AHNAK2: variants seen among roughly 807,000 people sequenced by gnomAD.
AHNAK2 encodes the protein protein AHNAK2.
A neutral mutation model predicts 30.7 loss-of-function variants in AHNAK2; 18 were observed. The observed-to-expected ratio is 0.59, with a 90% CI of 0.41 to 0.87. The LOEUF (loss-of-function observed/expected upper bound fraction) is 0.87. Ranked by LOEUF, AHNAK2 falls within the 40% of genes least tolerant of loss-of-function variation. AHNAK2 has a pLI of 0.00. For synonymous variants in AHNAK2, 3,590 were observed against 3,073.8 expected (o/e 1.17, Z -5.56); for missense variants, 8,604 against 7,373.0 (o/e 1.17, Z -6.11).
chr14:104,958,149 C>T (rs1364921496), intron 1 of AHNAK2, among the ~76,000 whole-genome samples: 1 of 152,180 alleles, frequency 6.6e-6, no homozygotes, highest in African/African-American at 2.4e-5. Context: ...TTCAAAGAAA[C>T]TATTAAAAGT....
chr14:104,949,548 G>C lies in AHNAK2; in HGVS notation c.5903C>G (p.Ala1968Gly), dbSNP rs371185338. The part of the protein sequence containing the change: ...VQAQKAKLDG[A>G]RLEGDLSLAD... ...CAGGGACAGGTCTCCCTCCAGCCGC[G>C]CACCATCCAGCTTAGCCTTCTGGGC... The change falls in exon 7 of 7, where the codon GCG becomes GGG. Residue 1968 changes from alanine (A) to glycine (G), a missense_variant. Physicochemically the swap from Ala to Gly is moderately conservative, Grantham distance 60. Coordinates refer to ENST00000333244, the MANE Select transcript of AHNAK2 (RefSeq NM_138420.4). The C allele has an allele frequency of 5.7e-5, 91 of 1,586,292 alleles. 7 individuals carry two copies. Among genetic ancestry groups the C allele is most frequent in the Admixed American group, 4.7e-4 (27 of 57,348 alleles).
rs776999668 is a variant in AHNAK2 at position 104,952,057 on chromosome 14, CCACCTCCACGCTGGGCAGAGA to C, written c.3373_3393del (p.Ser1125_Val1131del). On this transcript the variant is annotated inframe_deletion, in exon 7 of 7. Coordinates refer to ENST00000333244, the MANE Select transcript of AHNAK2 (RefSeq NM_138420.4). Reference sequence around the variant, plus strand: ...AGCTTGGCTCCCGGGGCCTCGACGTCCACCTCCACGCTGGGCAGAGACACCTCCACATCAGGGGCTGTGACT... The same window carrying C: ...AGCTTGGCTCCCGGGGCCTCGACGTCCACCTCCACATCAGGGGCTGTGACT... 3 of 1,612,530 alleles carry C rather than the reference CCACCTCCACGCTGGGCAGAGA, an allele frequency of 1.9e-6. No individual in the cohort carries two copies. The African/African-American group carries it at 4.0e-5, about 22-fold the overall frequency.
In AHNAK2 at chr14:104,951,754, C is replaced by T. The variant is rs1188179636; in HGVS notation, c.3697G>A (p.Glu1233Lys). The change falls in exon 7 of 7, where the codon GAG (glutamate) becomes AAG (lysine). Residue 1233 changes from glutamate to lysine, a missense_variant. Glu to Lys is a moderately conservative substitution (Grantham distance 56). Transcript: ENST00000333244. Reference protein sequence around the residue: ...HAGQVDVKLLEGHVPEGAGFK... With the variant: ...HAGQVDVKLLKGHVPEGAGFK... ...CCGGCTCCCTCAGGCACGTGGCCCTCCAGGAGCTTCACGTCCACCTGGCCA... is the reference window on the plus strand; with the variant it reads ...CCGGCTCCCTCAGGCACGTGGCCCTTCAGGAGCTTCACGTCCACCTGGCCA... The T allele has an allele frequency of 2.3e-6, 3 of 1,288,244 alleles. 1 individual carries two copies. Among genetic ancestry groups the T allele is most frequent in the South Asian group, 1.3e-5 (1 of 76,780 alleles). 79.8% of individuals were successfully genotyped at this position (1,288,244 alleles called of 1,614,324 possible).
At position 104,940,760 on chromosome 14, in the gene AHNAK2, G is replaced by T. The variant is rs551739445; in HGVS notation, c.14691C>A (p.Ser4897Arg). 4.3e-6 allele frequency: 7 copies of T among 1,612,856 alleles called. No individual in the cohort carries two copies. In the East Asian group the frequency reaches 1.6e-4, roughly 36 times the overall value. Reference sequence around the variant, plus strand: ...AGGGGCACTGCACTCTTTCTCCAGGGCTAAGAGGAGACATGACTGGGGCAC... The same window carrying T: ...AGGGGCACTGCACTCTTTCTCCAGGTCTAAGAGGAGACATGACTGGGGCAC... ...AVGAPVMSPL[S>R]PGERVQCPLP... Residue 4897 changes from serine (S) to arginine (R), a missense_variant, in exon 7 of 7, where the codon AGC (serine) becomes AGA (arginine). Transcript: ENST00000333244. This position sits in a 1 kb window ranked among gnomAD's most constrained non-coding sequence, Gnocchi z 4.4.
chr14:104,953,361 G>A lies in AHNAK2; in HGVS notation c.2090C>T (p.Ser697Leu), dbSNP rs368803269. ...ASAPGKSMEA[S>L]VDVSAPKVEA... is the part of the protein sequence containing the mutation. The stretch of plus-strand genomic sequence containing the variant: ...CACCTTCGGCGCAGACACATCCACC[G>A]AGGCCTCCATGGACTTGCCTGGGGC... The change falls in exon 7 of 7, where the codon TCG becomes TTG. Residue 697 changes from serine (S) to leucine (L), a missense_variant. Transcript: ENST00000333244. 7.1e-5 allele frequency: 114 copies of A among 1,613,652 alleles called. 1 individual carries two copies. In the African/African-American group the frequency reaches 8.3e-4, roughly 12 times the overall value.
chr14:104,938,169 CTG>C lies in AHNAK2; in HGVS notation c.17280_17281del (p.Arg5761SerfsTer21), dbSNP rs773285047. 2.2e-5 allele frequency: 36 copies of C among 1,613,870 alleles called. No individual in the cohort carries two copies. The highest frequency in any genetic ancestry group is 3.1e-5 in the Non-Finnish European group (36 of 1,179,906). ...TCTTGCCGCGGATGTCACCATCACT[CTG>C]GAGTCCAGCCCAGTGCCCACAGGCC... is the stretch of plus-strand genomic sequence containing the variant. On this transcript the variant is annotated frameshift_variant, in exon 7 of 7. Coordinates refer to ENST00000333244, the MANE Select transcript of AHNAK2 (RefSeq NM_138420.4). LOFTEE classifies it low-confidence loss of function (END_TRUNC).
chr14:104,946,935 G>A lies in AHNAK2; in HGVS notation c.8516C>T (p.Ser2839Phe), dbSNP rs1898310478. ...GKSIEASVDV[S>F]ELKVEADGSF... is the part of the protein sequence containing the mutation. ...CCCGTCAGCTTCCACCTTCAGCTCA[G>A]ACACATCCACCGAGGCCTCGATGGA... The change falls in exon 7 of 7, where the codon TCT becomes TTT. Residue 2839 changes from serine to phenylalanine, a missense_variant. Physicochemically the swap from Ser to Phe is radical, Grantham distance 155 (BLOSUM62 -2). Transcript: ENST00000333244. 3 of 1,612,596 alleles carry A rather than the reference G, an allele frequency of 1.9e-6. No homozygotes were observed. The highest frequency in any genetic ancestry group is 1.6e-4 in the Middle Eastern group (1 of 6,080).
rs369724127 is a variant in AHNAK2 at position 104,950,040 on chromosome 14, C to T, written c.5411G>A (p.Arg1804Gln). ...GGCCAGGGACAGGTCACCCTCCAGC[C>T]GCACACTGTCCAGCTTGGCTCCTGG... ...EAPGAKLDSV[R>Q]LEGDLSLADK... is the part of the protein sequence containing the mutation. Residue 1804 changes from arginine to glutamine, a missense_variant, in exon 7 of 7, where the codon CGG becomes CAG. Transcript: ENST00000333244. 2.1e-4 allele frequency: 327 copies of T among 1,584,456 alleles called. 44 individuals are homozygous for T. The African/African-American group carries it at 3.0e-3, about 15-fold the overall frequency.
chr14:104,976,037 C>T (rs1352443587), intron 1 of AHNAK2, among the ~76,000 whole-genome samples: 4 of 151,680 alleles, frequency 2.6e-5, no homozygotes, highest in Non-Finnish European at 5.9e-5. Context: ...CTTCCCAACA[C>T]GGTGGTGCTT....
chr14:104,957,564 G>A, intron 2 of AHNAK2, 50 bp downstream of exon 2: 4 of 1,599,048 alleles, frequency 2.5e-6, no homozygotes, highest in Non-Finnish European at 3.4e-6. Context: ...GGCCCAGGGA[G>A]AATGGGGGCA....
At position 104,938,853 on chromosome 14, in the gene AHNAK2, C is replaced by G. The variant is rs772401074; in HGVS notation, c.16598G>C (p.Arg5533Thr). The G allele has an allele frequency of 1.9e-6, 3 of 1,613,896 alleles. No individual in the cohort carries two copies. The highest frequency in any genetic ancestry group is 2.2e-5 in the South Asian group (2 of 91,066). ...VKIPEPHTQARVYTTMTQHSR... is the reference protein window; with the variant it reads ...VKIPEPHTQATVYTTMTQHSR... ...GTGTTGAGTCATTGTTGTGTACACT[C>G]TAGCCTGCGTGTGGGGCTCTGGGAT... Residue 5533 changes from arginine to threonine, a missense_variant, in exon 7 of 7, where the codon AGA (arginine) becomes ACA (threonine). By Grantham distance (71) the Arg-to-Thr change is moderately conservative (BLOSUM62 -1). Transcript: ENST00000333244.
In AHNAK2 at chr14:104,947,729, G is replaced by A. The variant is rs369272309; in HGVS notation, c.7722C>T (p.Phe2574=). The A allele has an allele frequency of 1.8e-5, 29 of 1,612,556 alleles. No individual in the cohort carries two copies. Among genetic ancestry groups the A allele is most frequent in the East Asian group, 6.7e-5 (3 of 44,746 alleles). The part of the protein sequence containing the change: ...GHLPKVQMPS[F]KMPEMDLKGP... ...CCTTGAGGTCCATTTCAGGCATCTT[G>A]AAACTGGGCATCTGCACCTTGGGCA... Residue 2574 remains phenylalanine, a synonymous_variant, in exon 7 of 7, where the codon TTC becomes TTT. Coordinates refer to ENST00000333244, the MANE Select transcript of AHNAK2 (RefSeq NM_138420.4).
At position 104,953,950 on chromosome 14, in the gene AHNAK2, C is replaced by T; in HGVS notation, c.1501G>A (p.Glu501Lys). ...CTAAGGCGCCTTTCTCTTTCTGGCTCTTTTTCTGTGGAAAATGCAAATTTT... is the reference window on the plus strand; with the variant it reads ...CTAAGGCGCCTTTCTCTTTCTGGCTTTTTTTCTGTGGAAAATGCAAATTTT... ...TPKFAFSTEK[E>K]PERERRLSTP... The change falls in exon 7 of 7, where the codon GAG (glutamate) becomes AAG (lysine). Residue 501 changes from glutamate (E) to lysine (K), a missense_variant. Glu to Lys is a moderately conservative substitution (Grantham distance 56, BLOSUM62 1). Transcript: ENST00000333244. The T allele has an allele frequency of 6.2e-7, 1 of 1,613,996 alleles. No homozygotes were observed. Among genetic ancestry groups the T allele is most frequent in the South Asian group, 1.1e-5 (1 of 91,084 alleles).
chr14:104,940,336 T>C lies in AHNAK2; in HGVS notation c.15115A>G (p.Ser5039Gly). ...PKMKASKSGVSLPQRDVDPSL... is the reference protein window; with the variant it reads ...PKMKASKSGVGLPQRDVDPSL... ...GGATCCACGTCTCTCTGTGGCAGGC[T>C]GACCCCACTCTTAGAAGCCTTCATT... Residue 5039 changes from serine (S) to glycine (G), a missense_variant, in exon 7 of 7, where the codon AGC becomes GGC. Coordinates refer to ENST00000333244, the MANE Select transcript of AHNAK2 (RefSeq NM_138420.4). This position sits in a 1 kb window ranked among gnomAD's most constrained non-coding sequence, Gnocchi z 4.4. 4 of 1,613,814 alleles carry C rather than the reference T, an allele frequency of 2.5e-6. No homozygotes were observed. The highest frequency in any genetic ancestry group is 3.4e-6 in the Non-Finnish European group (4 of 1,179,890).
rs377182874 is a variant in AHNAK2, at chr14:104,945,431, G to C, written c.10020C>G (p.Ala3340=). 1 of 1,613,310 alleles carries C rather than the reference G, an allele frequency of 6.2e-7. No individual in the cohort carries two copies. Among genetic ancestry groups the C allele is most frequent in the South Asian group, 1.1e-5 (1 of 91,050 alleles). The change falls in exon 7 of 7, where the codon GCC becomes GCG. Residue 3340 remains alanine, a synonymous_variant. Transcript: ENST00000333244. ...CCTGCATGGAGGGGAGGCTCACGTC[G>C]GCCTCCGCCTTCGGCGCAGACACAT... is the stretch of plus-strand genomic sequence containing the variant. The part of the protein sequence containing the change: ...SVDVSAPKAE[A]DVSLPSMQGD...
At chr14:104,970,557 C>A (rs189113480) in intron 1 of AHNAK2, 32 of 980,164 alleles carry the variant, frequency 3.3e-5, no homozygotes, top group East Asian at 1.1e-4. Context: ...GCTCCTCCCC[C>A]CATTGTCCCG....
rs748618240 is a variant in AHNAK2 at position 104,938,929 on chromosome 14, T to G, written c.16522A>C (p.Thr5508Pro). ...TACGAAGGTGTTTGAATCTCTGACG[T>G]GGGGATCTCTGATTCCCGCACAATC... Reference protein sequence around the residue: ...TQIVRESEIPTSEIQTPSYGF... With the variant: ...TQIVRESEIPPSEIQTPSYGF... Residue 5508 changes from threonine to proline, a missense_variant, in exon 7 of 7, where the codon ACG (threonine) becomes CCG (proline). Transcript: ENST00000333244. 1.2e-6 allele frequency: 2 copies of G among 1,613,464 alleles called. No individual in the cohort carries two copies. The highest frequency in any genetic ancestry group is 2.7e-5 in the African/African-American group (2 of 74,928).
At position 104,946,791 on chromosome 14, in the gene AHNAK2, G is replaced by A. The variant is rs1050928134; in HGVS notation, c.8660C>T (p.Pro2887Leu). 1.2e-6 allele frequency: 2 copies of A among 1,612,758 alleles called. No homozygotes were observed. Among genetic ancestry groups the A allele is most frequent in the South Asian group, 1.1e-5 (1 of 91,036 alleles). The part of the protein sequence containing the change: ...VDVKLPEGHV[P>L]EGAGLKGHLP... Reference sequence around the variant, plus strand: ...GTGCCCTTTGAGGCCGGCTCCCTCGGGAACGTGGCCCTCTGGGAGTTTCAC... The same window carrying A: ...GTGCCCTTTGAGGCCGGCTCCCTCGAGAACGTGGCCCTCTGGGAGTTTCAC... The change falls in exon 7 of 7, where the codon CCC becomes CTC. Residue 2887 changes from proline to leucine, a missense_variant. By Grantham distance (98) the Pro-to-Leu change is moderately conservative. Transcript: ENST00000333244.
At position 104,945,170 on chromosome 14, in the gene AHNAK2, C is replaced by G. The variant is rs1595398074; in HGVS notation, c.10281G>C (p.Val3427=). Residue 3427 remains valine, a synonymous_variant, in exon 7 of 7, where the codon GTG becomes GTC. Transcript: ENST00000333244. ...GAGACACCTCCACATCAGGGACTGT[C>G]ACTTCCGCCTTGGGGACTTTTAGGT... ...KLDLKVPKAE[V]TVPDVEVSLP... is the part of the protein sequence containing the mutation. 2 of 1,613,250 alleles carry G rather than the reference C, an allele frequency of 1.2e-6. No homozygotes were observed. Among genetic ancestry groups the G allele is most frequent in the Non-Finnish European group, 1.7e-6 (2 of 1,179,704 alleles).
Sources: allele counts gnomAD v4.1 joint callset (sites outside exome capture counted in the v4.1 genomes callset), GRCh38; gene constraint gnomAD v4.1.1; non-coding constraint Gnocchi (gnomAD v3.1); transcripts MANE v1.5; gene names NCBI Gene and HGNC (gene_info 2026-07-23, HGNC 2026-07-21).